The following RCN2 variants were observed in gnomAD, a reference collection of about 807,000 sequenced individuals.
The protein encoded by RCN2 is reticulocalbin-2.
Under a neutral mutation model 37.5 loss-of-function variants are expected in RCN2, and 23 were observed. The ratio of observed to expected loss-of-function variants is 0.61; its 90% CI spans 0.44 to 0.87. The LOEUF (loss-of-function observed/expected upper bound fraction) is 0.87, where lower values mean the gene tolerates loss of function less well. Among genes scored for constraint, RCN2 ranks in the 40% least tolerant of loss-of-function variants. RCN2 has a pLI of 0.00. For missense variants in RCN2, 381 were observed against 390.4 expected (o/e 0.98, Z 0.20); for synonymous variants, 140 against 144.6 (o/e 0.97, Z 0.23).
intron 3 of RCN2, chr15:76,942,325 A>C (rs989748288): frequency 3.3e-5 from 5 of 152,254 alleles, no homozygotes; most frequent in Non-Finnish European, 7.3e-5. Context: ...GCTTTAAAAA[A>C]ATGCACAGTT....
chr15:76,938,312 A>G (rs1285560195), intron 3 of RCN2, among the ~76,000 whole-genome samples: 1 of 152,202 alleles, frequency 6.6e-6, no homozygotes, highest in Non-Finnish European at 1.5e-5. Flanking sequence ...AATTTGTCTT[A>G]TAAGTAATCT....
In RCN2 at chr15:76,937,982, T is replaced by C. The variant is rs184182507; in HGVS notation, c.447+2260T>C. Among the ~76,000 whole-genome samples the C allele has an allele frequency of 1.0e-3, 157 of 152,298 alleles. 2 individuals are homozygous for C. The highest frequency in any genetic ancestry group is 3.7e-3 in the African/African-American group (154 of 41,536). On this transcript the variant is annotated intron_variant, in intron 3 of 6. Transcript: ENST00000394885. ...CTTTTTTATAGGTACATGATAGTTG[T>C]ATTATACATACTTACAGAGTACATG... is the stretch of plus-strand genomic sequence containing the variant.
At chr15:76,945,793 T>C (rs1275578614) in intron 4 of RCN2, among the ~76,000 whole-genome samples, 1 of 152,230 alleles carries the variant, frequency 6.6e-6, no homozygotes, top group Non-Finnish European at 1.5e-5. Context: ...CATAGCTCAG[T>C]GGTAAGACAC....
rs2075223009 is a variant in RCN2, at chr15:76,931,798, G to A, written c.-44G>A. On this transcript the variant is annotated 5_prime_UTR_variant, in exon 1 of 7. Coordinates refer to ENST00000394885, the MANE Select transcript of RCN2 (RefSeq NM_002902.3). ...TCGCAGCCGGCCCGGGCCCCCGCCA[G>A]CCTCCCTCCTCGCGTCCCTCGGTGT... 1 of 1,197,102 alleles carries A rather than the reference G, an allele frequency of 8.4e-7. No individual in the cohort carries two copies. The allele number at this position is 1,197,102 out of a possible 1,614,324, so 74.2% of individuals were successfully genotyped here. A position where few individuals can be genotyped will look rare whatever the true frequency, so the allele number is the denominator to read the frequency against.
intron 3 of RCN2, among the ~76,000 whole-genome samples, chr15:76,939,999 T>C (rs2075270377): frequency 6.6e-6 from 1 of 152,222 alleles, no homozygotes; most frequent in Non-Finnish European, 1.5e-5. Flanking sequence ...CTACTTAGAA[T>C]GTGTTGATTA....
chr15:76,947,401 T>C lies in RCN2; in HGVS notation c.562-20T>C, dbSNP rs767414803. The C allele has an allele frequency of 1.3e-6, 2 of 1,511,768 alleles. No individual in the cohort carries two copies. The highest frequency in any genetic ancestry group is 9.0e-7 in the Non-Finnish European group (1 of 1,107,624). 93.6% of individuals were successfully genotyped at this position (1,511,768 alleles called of 1,614,324 possible). ...ACATTTTGTAACTTTTTTTTTTCTT[T>C]TTTAATGAACGTGGAATAGGAATTT... On this transcript the variant is annotated intron_variant, in intron 4 of 6. Transcript: ENST00000394885.
chr15:76,942,538 A>C (rs1395332110), intron 3 of RCN2: 1 of 152,170 alleles, frequency 6.6e-6, no homozygotes, highest in Non-Finnish European at 1.5e-5. Context: ...GATGGGAGAG[A>C]AAGTAGAAAA....
Position 76,943,837 on chromosome 15 carries a change from C to G in RCN2, c.527C>G (p.Ala176Gly). 6.2e-7 allele frequency: 1 copy of G among 1,608,302 alleles called. No individual in the cohort carries two copies. Among genetic ancestry groups the G allele is most frequent in the Non-Finnish European group, 8.5e-7 (1 of 1,175,508 alleles). Residue 176 changes from alanine (A) to glycine (G), a missense_variant, in exon 4 of 7, where the codon GCT becomes GGT. By Grantham distance (60) the Ala-to-Gly change is moderately conservative (BLOSUM62 0). Transcript: ENST00000394885. ...GPGLSLEEFI[A>G]FEHPEEVDYM... ...GGTTTGAGTCTTGAAGAATTTATTG[C>G]TTTTGAGCATCCTGAAGAAGTTGAT...
chr15:76,940,108 T>A (rs994198266), intron 3 of RCN2, among the ~76,000 whole-genome samples: 1 of 148,834 alleles, frequency 6.7e-6, no homozygotes, highest in Non-Finnish European at 1.5e-5. Flanking sequence ...TCCTTTTGGT[T>A]ATTTTTTTTT....
intron 6 of RCN2, 85 bp from the exon 7 acceptor site, chr15:76,948,985 T>G: frequency 7.9e-7 from 1 of 1,267,116 alleles, no homozygotes; most frequent in South Asian, 1.5e-5. Flanking sequence ...ACCTGGATGA[T>G]TTTGACAAGT....
At position 76,931,784 on chromosome 15, in the gene RCN2, C is replaced by G; in HGVS notation, c.-58C>G. On this transcript the variant is annotated 5_prime_UTR_variant, in exon 1 of 7. Transcript: ENST00000394885. ...CCGCCCGCGGAGCATCGCAGCCGGC[C>G]CGGGCCCCCGCCAGCCTCCCTCCTC... 8.5e-7 allele frequency: 1 copy of G among 1,182,950 alleles called. No homozygotes were observed. The highest frequency in any genetic ancestry group is 1.0e-6 in the Non-Finnish European group (1 of 953,954). The allele number at this position is 1,182,950 out of a possible 1,614,324, so 73.3% of individuals were successfully genotyped here.
In RCN2 at chr15:76,932,108, C is replaced by T. The variant is rs548953798; in HGVS notation, c.144+123C>T. On this transcript the variant is annotated intron_variant, in intron 1 of 6. Coordinates refer to ENST00000394885, the MANE Select transcript of RCN2 (RefSeq NM_002902.3). ...GCAGGGGCGGCCTGACAATGGGGGC[C>T]GGGCGGCGCGGCACTCGCTCTCTGG... The T allele has an allele frequency of 2.2e-5, 21 of 966,474 alleles. No individual in the cohort carries two copies. In the African/African-American group the frequency reaches 3.4e-4, roughly 16 times the overall value. 59.9% of individuals were successfully genotyped at this position (966,474 alleles called of 1,614,324 possible).
chr15:76,933,657 A>G (rs1390747628), intron 2 of RCN2, among the ~76,000 whole-genome samples: 2 of 152,258 alleles, frequency 1.3e-5, no homozygotes, highest in Non-Finnish European at 2.9e-5. Context: ...AAAGCTTGAG[A>G]TGGTAAACTA....
intron 3 of RCN2, chr15:76,941,574 A>G: frequency 1.1e-6 from 1 of 923,040 alleles, no homozygotes; most frequent in Non-Finnish European, 1.6e-6. Flanking sequence ...GTTTTTATAT[A>G]CAAGAAAAAA....
chr15:76,937,215 C>G (rs2075254661), intron 3 of RCN2, among the ~76,000 whole-genome samples: 2 of 152,088 alleles, frequency 1.3e-5, no homozygotes, highest in Non-Finnish European at 2.9e-5. Flanking sequence ...GGAGCACTGA[C>G]ACGACACTCA....
chr15:76,943,532 G>A, intron 3 of RCN2: 1 of 380,674 alleles, frequency 2.6e-6, no homozygotes, highest in Non-Finnish European at 4.8e-6. Context: ...TGACACCACA[G>A]CTAGTAAGTG....
chr15:76,938,055 G>A (rs1205199352), intron 3 of RCN2, among the ~76,000 whole-genome samples: 1 of 152,074 alleles, frequency 6.6e-6, no homozygotes, highest in Non-Finnish European at 1.5e-5. Flanking sequence ...TCAAATCAGG[G>A]TAATTAGAGG....
At chr15:76,939,271 TAAATAAAA>T (rs1272445859) in intron 3 of RCN2, among the ~76,000 whole-genome samples, 38 of 141,818 alleles carry the variant, frequency 2.7e-4, no homozygotes, top group African/African-American at 9.7e-4. Context: ...AATAAATAAA[TAAATAAAA>T]ATTTCCTCTT....
intron 1 of RCN2, 87 bp from the exon 2 acceptor site, chr15:76,932,274 G>C: frequency 9.5e-7 from 1 of 1,051,724 alleles, no homozygotes; most frequent in South Asian, 1.3e-5. Context: ...TTTGGCAAGG[G>C]GGTCTTCTAG....
Sources: gnomAD v4.1 joint callset for allele counts (sites outside exome capture counted in the v4.1 genomes callset) on GRCh38, gnomAD v4.1.1 for gene constraint, MANE v1.5 for transcripts, NCBI Gene and HGNC (gene_info 2026-07-23, HGNC 2026-07-21) for gene names.